Variants in TFEC observed in about 807,000 individuals in gnomAD.
TFEC encodes class E basic helix-loop-helix protein 34.
In TFEC, 31 loss-of-function variants were observed where a neutral mutation model predicts 41.6. The ratio of observed to expected loss-of-function variants is 0.74; its 90% CI spans 0.56 to 1.01. TFEC has a LOEUF of 1.01. Among genes scored for constraint, TFEC ranks in the 50% least tolerant of loss-of-function variants. The pLI, the probability that TFEC is intolerant of heterozygous loss-of-function variation, is 0.00. For missense variants in TFEC, 402 were observed against 404.1 expected (o/e 0.99, Z 0.04); for synonymous variants, 143 against 140.6 (o/e 1.02, Z -0.12).
intron 3 of TFEC, among the ~76,000 whole-genome samples, chr7:116,042,086 A>G (rs1796050802): frequency 1.3e-5 from 2 of 152,182 alleles, no homozygotes; most frequent in African/African-American, 2.4e-5. Flanking sequence ...AGGTGAATGT[A>G]GGTGACACAG....
At chr7:116,045,140 A>G (rs775730685) in intron 3 of TFEC, among the ~76,000 whole-genome samples, 3 of 152,188 alleles carry the variant, frequency 2.0e-5, no homozygotes, top group Non-Finnish European at 4.4e-5. Flanking sequence ...AAAATATGGG[A>G]AAGTTTGGAA....
intron 3 of TFEC, among the ~76,000 whole-genome samples, chr7:116,082,435 A>AACT (rs1797112535): frequency 2.6e-5 from 4 of 152,032 alleles, no homozygotes. Flanking sequence ...AACTCACCAG[A>AACT]ACTATTTTGC....
upstream of TFEC, among the ~76,000 whole-genome samples, chr7:116,032,651 G>C (rs1158588506): frequency 4.6e-5 from 7 of 152,058 alleles, 1 homozygote. Context: ...AGGACACATA[G>C]AGGGGAACAA....
intron 1 of TFEC, among the ~76,000 whole-genome samples, chr7:116,155,544 C>T (rs1027505137): frequency 6.6e-6 from 1 of 151,764 alleles, no homozygotes; most frequent in Admixed American, 6.6e-5. Flanking sequence ...TGCTTTCTAC[C>T]AACTCTGATG....
chr7:116,115,851 A>C (rs186046862), intron 1 of TFEC, among the ~76,000 whole-genome samples: 12 of 151,964 alleles, frequency 7.9e-5, no homozygotes, highest in Admixed American at 7.9e-4. Context: ...TATATGCCGG[A>C]TGTTTTTATA....
At chr7:116,148,776 A>G (rs1485117398) in intron 1 of TFEC, among the ~76,000 whole-genome samples, 1 of 152,130 alleles carries the variant, frequency 6.6e-6, no homozygotes, top group Non-Finnish European at 1.5e-5. Context: ...GAAGTTGCAC[A>G]ATTTAGTCAG....
intron 3 of TFEC, among the ~76,000 whole-genome samples, chr7:116,086,918 T>C (rs1797216241): frequency 6.6e-6 from 1 of 152,100 alleles, no homozygotes; most frequent in Non-Finnish European, 1.5e-5. Context: ...GAACTATGGA[T>C]GTGATAGTTC....
At chr7:116,035,425 C>A (rs569916384), upstream of TFEC, among the ~76,000 whole-genome samples, 10 of 152,138 alleles carry the variant, frequency 6.6e-5, no homozygotes, top group East Asian at 1.9e-3. Flanking sequence ...GAACTGAGGA[C>A]ACTTTACACA....
chr7:115,937,455 C>T lies in TFEC; in HGVS notation c.*3096G>A, dbSNP rs1390994702. The T allele has an allele frequency of 6.6e-6, 1 of 151,584 alleles. No homozygotes were observed. The highest frequency in any genetic ancestry group is 1.5e-5 in the Non-Finnish European group (1 of 67,686). 9.4% of individuals were successfully genotyped at this position (151,584 alleles called of 1,614,324 possible). On this transcript the variant is annotated 3_prime_UTR_variant, in exon 8 of 8. Coordinates refer to ENST00000265440, the MANE Select transcript of TFEC (RefSeq NM_012252.4). Reference sequence around the variant, plus strand: ...GTTTCTTAGATACTCAAATAATTTGCTTTTAAATTCACACTATTTTTGTTT... The same window carrying T: ...GTTTCTTAGATACTCAAATAATTTGTTTTTAAATTCACACTATTTTTGTTT...
At chr7:116,091,965 G>T (rs1797339088) in intron 3 of TFEC, among the ~76,000 whole-genome samples, 1 of 151,998 alleles carries the variant, frequency 6.6e-6, no homozygotes, top group Non-Finnish European at 1.5e-5. Flanking sequence ...AATAGCTTCT[G>T]GGCTAGAATC....
intron 3 of TFEC, among the ~76,000 whole-genome samples, chr7:116,103,767 C>T (rs1383853749): frequency 6.6e-6 from 1 of 151,932 alleles, no homozygotes; most frequent in Non-Finnish European, 1.5e-5. Context: ...GAGCAGTTTG[C>T]CACTGAAAAT....
chr7:115,989,759 C>A (rs913964928), intron 1 of TFEC, among the ~76,000 whole-genome samples: 2 of 152,164 alleles, frequency 1.3e-5, no homozygotes, highest in African/African-American at 2.4e-5. Context: ...CACCACAGCT[C>A]AAGGAGGCCT....
chr7:116,114,877 ACCAAAGGAAACCCC>A (rs1797943817), intron 1 of TFEC, among the ~76,000 whole-genome samples: 1 of 151,934 alleles, frequency 6.6e-6, no homozygotes, highest in African/African-American at 2.4e-5. Flanking sequence ...CTCTCAAAGA[ACCAAAGGAAACCCC>A]CCTCCCCGCC....
At chr7:115,989,020 A>T (rs940541546) in intron 1 of TFEC, among the ~76,000 whole-genome samples, 8 of 152,178 alleles carry the variant, frequency 5.3e-5, no homozygotes, top group African/African-American at 1.9e-4. Context: ...TTTCCCTTAA[A>T]AGGTAAAGGA....
At chr7:115,986,793 A>G (rs1793878751) in intron 1 of TFEC, among the ~76,000 whole-genome samples, 2 of 150,340 alleles carry the variant, frequency 1.3e-5, no homozygotes, top group South Asian at 4.3e-4. Flanking sequence ...TAGCATTAGG[A>G]GAAATACCTA....
intron 3 of TFEC, among the ~76,000 whole-genome samples, chr7:115,963,638 G>C (rs1370239240): frequency 6.6e-6 from 1 of 151,654 alleles, no homozygotes; most frequent in Non-Finnish European, 1.5e-5. Flanking sequence ...AAAAAATTAT[G>C]CTAAGTGAAA....
chr7:116,026,337 T>C (rs1055354935), intron 1 of TFEC, among the ~76,000 whole-genome samples: 1 of 152,252 alleles, frequency 6.6e-6, no homozygotes, highest in Non-Finnish European at 1.5e-5. Context: ...ATCTTCTCTT[T>C]GAACCCTTTC....
upstream of TFEC, among the ~76,000 whole-genome samples, chr7:116,032,307 T>C (rs537921710): frequency 5.2e-4 from 79 of 152,232 alleles, no homozygotes; most frequent in Non-Finnish European, 1.1e-3. Flanking sequence ...AGAAATACCA[T>C]TCAACCTGGC....
chr7:115,940,473 C>T lies in TFEC; in HGVS notation c.*78G>A. 1 of 1,438,418 alleles carries T rather than the reference C, an allele frequency of 7.0e-7. No individual in the cohort carries two copies. Among genetic ancestry groups the T allele is most frequent in the Non-Finnish European group, 9.3e-7 (1 of 1,079,564 alleles). The allele number at this position is 1,438,418 out of a possible 1,614,324, so 89.1% of individuals were successfully genotyped here. On this transcript the variant is annotated 3_prime_UTR_variant, in exon 8 of 8. Transcript: ENST00000265440. ...TAAGAAAAAAAATAAGCCAAAGCAA[C>T]ATATGAAACACAGAGCATAATTGCA...
Sources: gnomAD v4.1 joint callset for allele counts (sites outside exome capture counted in the v4.1 genomes callset) on GRCh38, gnomAD v4.1.1 for gene constraint, MANE v1.5 for transcripts, NCBI Gene and HGNC (gene_info 2026-07-23, HGNC 2026-07-21) for gene names.